VAV2: variants seen among roughly 807,000 people sequenced by gnomAD.
VAV2 encodes vav guanine nucleotide exchange factor 2.
In VAV2, 67 loss-of-function variants were observed where a neutral mutation model predicts 132.5. That is an observed-to-expected ratio of 0.51 (90% CI 0.42 to 0.62). The LOEUF (loss-of-function observed/expected upper bound fraction) is 0.62. VAV2 is among the 20% of genes least tolerant of loss of function. VAV2 has a pLI of 0.00. For missense variants in VAV2, 938 were observed against 1,153.6 expected (o/e 0.81, Z 2.71); for synonymous variants, 492 against 443.5 (o/e 1.11, Z -1.37).
Position 133,912,977 on chromosome 9 carries a change from T to C in VAV2, c.321+26126A>G, listed in dbSNP as rs562706191. Reference sequence around the variant, plus strand: ...GGTGGAGTGCCATTTGGAACCGGGTTTGGGAGGCAGGCACTGTCCTCTGAA... The same window carrying C: ...GGTGGAGTGCCATTTGGAACCGGGTCTGGGAGGCAGGCACTGTCCTCTGAA... On this transcript the variant is annotated intron_variant, in intron 2 of 29. Transcript: ENST00000371850. The surrounding 1 kb of genome is among the most constrained non-coding windows in gnomAD (Gnocchi z 4.3). Among the ~76,000 whole-genome samples, 47 of 152,306 alleles carry C rather than the reference T, an allele frequency of 3.1e-4. No individual in the cohort carries two copies. In the East Asian group the frequency reaches 8.7e-3, roughly 28 times the overall value.
In VAV2 at chr9:133,794,480, A is replaced by G. The variant is rs1007282258; in HGVS notation, c.1101+1188T>C. Among the ~76,000 whole-genome samples the G allele has an allele frequency of 2.6e-5, 4 of 152,174 alleles. No individual in the cohort carries two copies. Among genetic ancestry groups the G allele is most frequent in the Non-Finnish European group, 5.9e-5 (4 of 68,032 alleles). On this transcript the variant is annotated intron_variant, in intron 12 of 29. Coordinates refer to ENST00000371850, the MANE Select transcript of VAV2 (RefSeq NM_001134398.2). The surrounding 1 kb of genome is among the most constrained non-coding windows in gnomAD (Gnocchi z 4.6). The stretch of plus-strand genomic sequence containing the variant: ...AACCTCTTAGCACCGGCGGCCAAGC[A>G]CTGGCCCCACTCCCGTCCCAGCCCA...
intron 29 of VAV2, among the ~76,000 whole-genome samples, chr9:133,765,720 T>G (rs2131556074): frequency 6.6e-6 from 1 of 152,260 alleles, no homozygotes; most frequent in African/African-American, 2.4e-5. Flanking sequence ...GATAATTGTA[T>G]TATATCAAAG....
chr9:133,797,918 G>C lies in VAV2; in HGVS notation c.837-109C>G, dbSNP rs114900381. The C allele has an allele frequency of 6.9e-3, 6,301 of 911,088 alleles. 291 individuals are homozygous for C. In the African/African-American group the frequency reaches 0.096, roughly 14 times the overall value. The allele number at this position is 911,088 out of a possible 1,614,324, so 56.4% of individuals were successfully genotyped here. On this transcript the variant is annotated intron_variant, in intron 9 of 29. Coordinates refer to ENST00000371850, the MANE Select transcript of VAV2 (RefSeq NM_001134398.2). ...CAGGCTGTAGGTGCGCAACCAACAG[G>C]CCCCTCCCCTGACAGCTCCCTGCAC...
Position 133,971,784 on chromosome 9 carries a change from G to A in VAV2, c.204+20291C>T, listed in dbSNP as rs191519753. Among the ~76,000 whole-genome samples, 870 of 152,260 alleles carry A rather than the reference G, an allele frequency of 5.7e-3. 2 individuals are homozygous for A. The highest frequency in any genetic ancestry group is 0.017 in the South Asian group (80 of 4,822). On this transcript the variant is annotated intron_variant, in intron 1 of 29. Coordinates refer to ENST00000371850, the MANE Select transcript of VAV2 (RefSeq NM_001134398.2). ...CAGCCTGGGGCCACCTGCACCACCCGGGTCCTGAATCACAATGGGGAGGCG... is the reference window on the plus strand; with the variant it reads ...CAGCCTGGGGCCACCTGCACCACCCAGGTCCTGAATCACAATGGGGAGGCG...
At chr9:133,771,734 C>G (rs1241317297) in intron 26 of VAV2, among the ~76,000 whole-genome samples, 1 of 152,194 alleles carries the variant, frequency 6.6e-6, no homozygotes, top group East Asian at 1.9e-4. Context: ...CACTGTTTAC[C>G]AGGGTCAACC....
Position 133,884,865 on chromosome 9 carries a change from AT to A in VAV2, c.322-23434del, listed in dbSNP as rs1378259785. Among the ~76,000 whole-genome samples, 1 of 152,112 alleles carries A rather than the reference AT, an allele frequency of 6.6e-6. No individual in the cohort carries two copies. The highest frequency in any genetic ancestry group is 1.5e-5 in the Non-Finnish European group (1 of 68,010). Reference sequence around the variant, plus strand: ...TCAGAGACCACAGGTGCACACAAGCATCCCCTCCCACTCAGCCAGAGGGGCG... The same window carrying A: ...TCAGAGACCACAGGTGCACACAAGCACCCCTCCCACTCAGCCAGAGGGGCG... On this transcript the variant is annotated intron_variant, in intron 2 of 29. Coordinates refer to ENST00000371850, the MANE Select transcript of VAV2 (RefSeq NM_001134398.2). The surrounding 1 kb of genome is among the most constrained non-coding windows in gnomAD (Gnocchi z 5.3).
intron 6 of VAV2, among the ~76,000 whole-genome samples, chr9:133,809,422 C>T (rs951994529): frequency 1.3e-4 from 20 of 152,362 alleles, no homozygotes; most frequent in Admixed American, 1.0e-3. Flanking sequence ...CAGGCTCCTA[C>T]TCCTCTGATT....
At position 133,783,404 on chromosome 9, in the gene VAV2, C is replaced by G. The variant is rs532460695; in HGVS notation, c.1723+99G>C. ...TGGTGCCCTCATCTGGTCGCTGCCC[C>G]GTGGGAGATGGTGCCCGAGGCCCGT... On this transcript the variant is annotated intron_variant, in intron 19 of 29. Transcript: ENST00000371850. The G allele has an allele frequency of 8.4e-6, 10 of 1,191,124 alleles. No homozygotes were observed. The South Asian group carries it at 9.9e-5, about 12-fold the overall frequency. 73.8% of individuals were successfully genotyped at this position (1,191,124 alleles called of 1,614,324 possible).
intron 9 of VAV2, among the ~76,000 whole-genome samples, chr9:133,798,341 G>C (rs1412762429): frequency 2.0e-5 from 3 of 152,168 alleles, no homozygotes; most frequent in Non-Finnish European, 4.4e-5. Flanking sequence ...AGCAGTGACA[G>C]CCCCGTCTTC....
At chr9:133,904,236 A>C (rs749507512) in intron 2 of VAV2, among the ~76,000 whole-genome samples, 82 of 152,324 alleles carry the variant, frequency 5.4e-4, no homozygotes, top group Admixed American at 1.6e-3. Flanking sequence ...TCTGCCACAC[A>C]CAGCTTTGTT....
At chr9:133,909,770 C>A (rs1184632734) in intron 2 of VAV2, among the ~76,000 whole-genome samples, 2 of 152,214 alleles carry the variant, frequency 1.3e-5, no homozygotes, top group Non-Finnish European at 2.9e-5. Context: ...TTGGAAACTG[C>A]GCCTGAGGAT....
In VAV2 at chr9:133,823,041, G is replaced by T. The variant is rs1835855640; in HGVS notation, c.450-10825C>A. Among the ~76,000 whole-genome samples, 1 of 152,210 alleles carries T rather than the reference G, an allele frequency of 6.6e-6. No homozygotes were observed. The highest frequency in any genetic ancestry group is 6.5e-5 in the Admixed American group (1 of 15,282). Reference sequence around the variant, plus strand: ...AAAGCCCAGGGCCTGGCTCTCAGGGGACAGGAGCAGGGATTGTCGAACAGC... The same window carrying T: ...AAAGCCCAGGGCCTGGCTCTCAGGGTACAGGAGCAGGGATTGTCGAACAGC... On this transcript the variant is annotated intron_variant, in intron 4 of 29. Coordinates refer to ENST00000371850, the MANE Select transcript of VAV2 (RefSeq NM_001134398.2). The surrounding 1 kb of genome is among the most constrained non-coding windows in gnomAD (Gnocchi z 5.5).
chr9:133,831,942 C>T (rs1465434846), intron 4 of VAV2, among the ~76,000 whole-genome samples: 1 of 152,154 alleles, frequency 6.6e-6, no homozygotes, highest in African/African-American at 2.4e-5. Context: ...ATGAGGACAA[C>T]CACAGAACAG....
chr9:133,907,544 C>T lies in VAV2; in HGVS notation c.321+31559G>A, dbSNP rs1409740641. ...GGAGACTAGCTCCTCGGCTGACTAACTTTAAGCTCCACCACGTTGGAAAGC... is the reference window on the plus strand; with the variant it reads ...GGAGACTAGCTCCTCGGCTGACTAATTTTAAGCTCCACCACGTTGGAAAGC... On this transcript the variant is annotated intron_variant, in intron 2 of 29. Transcript: ENST00000371850. Among the ~76,000 whole-genome samples, 5 of 152,222 alleles carry T rather than the reference C, an allele frequency of 3.3e-5. No homozygotes were observed. In the East Asian group the frequency reaches 9.6e-4, roughly 29 times the overall value.
At chr9:133,779,104 C>T (rs556365245) in intron 21 of VAV2, among the ~76,000 whole-genome samples, 1 of 152,280 alleles carries the variant, frequency 6.6e-6, no homozygotes, top group Non-Finnish European at 1.5e-5. Context: ...CAGGGGTCAT[C>T]ATGGAACAGC....
chr9:133,815,514 G>A (rs1001841248), intron 4 of VAV2, among the ~76,000 whole-genome samples: 3 of 152,070 alleles, frequency 2.0e-5, no homozygotes, highest in Admixed American at 2.0e-4. Context: ...CCACAGACGA[G>A]CCTTGTCTGT....
At chr9:133,832,076 C>T (rs1426469243) in intron 4 of VAV2, among the ~76,000 whole-genome samples, 1 of 152,216 alleles carries the variant, frequency 6.6e-6, no homozygotes, top group Non-Finnish European at 1.5e-5. Flanking sequence ...AGGCATCCTA[C>T]CATGTGCAGA....
intron 12 of VAV2, among the ~76,000 whole-genome samples, chr9:133,795,446 T>G (rs1834669677): frequency 6.6e-6 from 1 of 152,000 alleles, no homozygotes. Context: ...AGGTTAGGAC[T>G]CGGGACACCT....
intron 1 of VAV2, among the ~76,000 whole-genome samples, chr9:133,987,299 C>CA (rs577118612): frequency 0.032 from 4,838 of 152,228 alleles, 106 homozygotes; most frequent in Non-Finnish European, 0.048. Context: ...CAGAGAGAAA[C>CA]CTGGAACAGT....
Sources: gnomAD v4.1 joint callset for allele counts (sites outside exome capture counted in the v4.1 genomes callset) on GRCh38, gnomAD v4.1.1 for gene constraint, Gnocchi (gnomAD v3.1) non-coding constraint, MANE v1.5 for transcripts, NCBI Gene and HGNC (gene_info 2026-07-23, HGNC 2026-07-21) for gene names.